CTNNA3: variants seen among roughly 807,000 people sequenced by gnomAD.
The protein encoded by CTNNA3 is catenin alpha 3.
In CTNNA3, 76 loss-of-function variants were observed where a neutral mutation model predicts 95.7. The ratio of observed to expected loss-of-function variants is 0.79; its 90% CI spans 0.66 to 0.96. CTNNA3 has a LOEUF of 0.96. Ranked by LOEUF, CTNNA3 falls within the 40% of genes least tolerant of loss-of-function variation. CTNNA3 has a pLI of 0.00. For synonymous variants in CTNNA3, 431 were observed against 374.4 expected (o/e 1.15, Z -1.74); for missense variants, 1,191 against 1,089.8 (o/e 1.09, Z -1.31).
intron 7 of CTNNA3, among the ~76,000 whole-genome samples, chr10:66,913,055 C>G (rs1391801855): frequency 6.6e-6 from 1 of 151,438 alleles, no homozygotes; most frequent in South Asian, 2.1e-4. Flanking sequence ...TTGGTTAACA[C>G]GGTGAAACCC....
At chr10:66,617,608 T>C (rs1185562205) in intron 10 of CTNNA3, among the ~76,000 whole-genome samples, 3 of 152,148 alleles carry the variant, frequency 2.0e-5, no homozygotes, top group East Asian at 1.9e-4. Flanking sequence ...AATATCATAC[T>C]GAATGGGCAA....
rs550089956 is a variant in CTNNA3 at position 67,196,135 on chromosome 10, T to C, written c.844-15615A>G. On this transcript the variant is annotated intron_variant, in intron 6 of 17. Transcript: ENST00000433211. Reference sequence around the variant, plus strand: ...TGAAATTTTTCCTTATGATTACCAATAGAAAATGCTATTGAGAGAGCTCAT... The same window carrying C: ...TGAAATTTTTCCTTATGATTACCAACAGAAAATGCTATTGAGAGAGCTCAT... Among the ~76,000 whole-genome samples, 55 of 152,202 alleles carry C rather than the reference T, an allele frequency of 3.6e-4. 1 individual carries two copies. The highest frequency in any genetic ancestry group is 1.1e-3 in the African/African-American group (45 of 41,566).
chr10:67,557,296 A>G (rs1841293711), intron 3 of CTNNA3, among the ~76,000 whole-genome samples: 1 of 152,244 alleles, frequency 6.6e-6, no homozygotes, highest in Non-Finnish European at 1.5e-5. Flanking sequence ...AGAGCTTTAT[A>G]TAATAAACCA....
chr10:67,344,718 T>C (rs1217603894), intron 5 of CTNNA3, among the ~76,000 whole-genome samples: 3 of 152,092 alleles, frequency 2.0e-5, no homozygotes, highest in Non-Finnish European at 4.4e-5. Flanking sequence ...TGTGATTTTA[T>C]TTATTTGGAT....
intron 7 of CTNNA3, among the ~76,000 whole-genome samples, chr10:67,102,733 C>A (rs976743447): frequency 7.9e-5 from 12 of 151,740 alleles, no homozygotes; most frequent in African/African-American, 2.9e-4. Flanking sequence ...ATATTACCTG[C>A]TAATTTATCT....
intron 12 of CTNNA3, among the ~76,000 whole-genome samples, chr10:66,355,620 T>C (rs1373295779): frequency 6.6e-6 from 1 of 152,076 alleles, no homozygotes; most frequent in Non-Finnish European, 1.5e-5. Flanking sequence ...AGATGCAACA[T>C]TTTTGAGGAG....
chr10:67,504,432 T>A (rs1307696770), intron 5 of CTNNA3, among the ~76,000 whole-genome samples: 1 of 48,516 alleles, frequency 2.1e-5, no homozygotes, highest in African/African-American at 8.2e-5. Flanking sequence ...TGAGACTCCA[T>A]CTCAAAAAAA....
chr10:67,040,384 C>T (rs1159932347), intron 7 of CTNNA3, among the ~76,000 whole-genome samples: 1 of 151,916 alleles, frequency 6.6e-6, no homozygotes. Context: ...TACTGGTTCC[C>T]CAGTTGATAA....
intron 11 of CTNNA3, among the ~76,000 whole-genome samples, chr10:66,411,295 C>G (rs1455256938): frequency 6.6e-6 from 1 of 152,010 alleles, no homozygotes; most frequent in East Asian, 1.9e-4. Context: ...ATGTTTAGGA[C>G]TAAGTTATCT....
At chr10:65,938,979 T>G (rs187793285) in intron 17 of CTNNA3, among the ~76,000 whole-genome samples, 2 of 151,952 alleles carry the variant, frequency 1.3e-5, no homozygotes, top group Non-Finnish European at 2.9e-5. Flanking sequence ...CTCGGCTCAC[T>G]GCAAGCTCCG....
At chr10:67,273,873 G>A (rs1248848115) in intron 5 of CTNNA3, among the ~76,000 whole-genome samples, 1 of 152,146 alleles carries the variant, frequency 6.6e-6, no homozygotes, top group African/African-American at 2.4e-5. Context: ...AACTAATGAA[G>A]GGTGGAAAAG....
intron 1 of CTNNA3, among the ~76,000 whole-genome samples, chr10:67,681,973 C>T (rs1051658867): frequency 1.3e-5 from 2 of 151,372 alleles, no homozygotes; most frequent in African/African-American, 4.9e-5. Context: ...CTGGCTAACA[C>T]AGTAAAACCC....
chr10:67,027,679 C>G (rs1853477624), intron 7 of CTNNA3, among the ~76,000 whole-genome samples: 1 of 152,012 alleles, frequency 6.6e-6, no homozygotes, highest in Admixed American at 6.6e-5. Context: ...TTGTCATCCA[C>G]TGGCCTCCCA....
chr10:66,008,493 T>G (rs898797861), intron 15 of CTNNA3, among the ~76,000 whole-genome samples: 1 of 152,200 alleles, frequency 6.6e-6, no homozygotes, highest in Non-Finnish European at 1.5e-5. Context: ...GCTTTTGGTG[T>G]CTTAAATGGC....
At chr10:67,308,349 A>C (rs1161693644) in intron 5 of CTNNA3, among the ~76,000 whole-genome samples, 2 of 152,178 alleles carry the variant, frequency 1.3e-5, no homozygotes, top group African/African-American at 4.8e-5. Context: ...ATAGTGAATA[A>C]GTCTAATGAG....
At chr10:67,007,768 T>A (rs548559571) in intron 7 of CTNNA3, among the ~76,000 whole-genome samples, 18 of 151,154 alleles carry the variant, frequency 1.2e-4, no homozygotes, top group African/African-American at 2.2e-4. Context: ...ATAGTATTTT[T>A]AAAAAAAAAG....
chr10:66,660,147 G>C (rs6480194), intron 9 of CTNNA3, among the ~76,000 whole-genome samples: 7 of 151,804 alleles, frequency 4.6e-5, no homozygotes, highest in Non-Finnish European at 7.4e-5. Context: ...GAGAGAATAG[G>C]GAATTAACCT....
chr10:65,993,776 C>T (rs1166921896), intron 15 of CTNNA3, among the ~76,000 whole-genome samples: 1 of 152,104 alleles, frequency 6.6e-6, no homozygotes, highest in Non-Finnish European at 1.5e-5. Context: ...TGCTCTGTTG[C>T]CTGGGCTGCA....
At chr10:66,499,698 G>T (rs1052468571) in intron 11 of CTNNA3, among the ~76,000 whole-genome samples, 1 of 151,994 alleles carries the variant, frequency 6.6e-6, no homozygotes, top group African/African-American at 2.4e-5. Flanking sequence ...TATTATGTGT[G>T]ATTATACTAG....
Sources: allele counts gnomAD v4.1 joint callset (sites outside exome capture counted in the v4.1 genomes callset), GRCh38; gene constraint gnomAD v4.1.1; transcripts MANE v1.5; gene names NCBI Gene and HGNC (gene_info 2026-07-23, HGNC 2026-07-21).